TCF12: variants seen among roughly 807,000 people sequenced by gnomAD.
The protein encoded by TCF12 is transcription factor 12.
TCF12 carries 45 observed loss-of-function variants against 86.0 expected under a neutral mutation model. The observed-to-expected ratio is 0.52, with a 90% CI of 0.41 to 0.67. The LOEUF is 0.67. Ranked by LOEUF, TCF12 falls within the 30% of genes least tolerant of loss-of-function variation. The pLI, the probability that TCF12 is intolerant of heterozygous loss-of-function variation, is 0.00. For missense variants in TCF12, 881 were observed against 859.9 expected (o/e 1.02, Z -0.31); for synonymous variants, 330 against 299.6 (o/e 1.10, Z -1.05).
At chr15:57,198,320 A>C (rs2057372203) in intron 8 of TCF12, among the ~76,000 whole-genome samples, 1 of 152,288 alleles carries the variant, frequency 6.6e-6, no homozygotes, top group South Asian at 2.1e-4. Flanking sequence ...TCAGATGTTC[A>C]TTGTGAAGCC....
intron 6 of TCF12, among the ~76,000 whole-genome samples, chr15:57,189,368 A>G (rs1393675241): frequency 6.6e-5 from 10 of 152,002 alleles, no homozygotes; most frequent in Admixed American, 3.3e-4. Context: ...TCCAGAATAT[A>G]TAAACAACTC....
intron 3 of TCF12, among the ~76,000 whole-genome samples, chr15:56,974,877 A>G (rs1419416199): frequency 6.6e-6 from 1 of 152,086 alleles, no homozygotes; most frequent in Admixed American, 6.5e-5. Flanking sequence ...TTTGTGTGGT[A>G]AGGCATTACC....
chr15:56,966,414 C>G (rs527381216), intron 3 of TCF12, among the ~76,000 whole-genome samples: 1 of 152,130 alleles, frequency 6.6e-6, no homozygotes, highest in Non-Finnish European at 1.5e-5. Flanking sequence ...ATCTAACCTG[C>G]TAAAAATGGA....
chr15:57,236,367 A>G (rs1256422099), intron 12 of TCF12, among the ~76,000 whole-genome samples: 1 of 152,204 alleles, frequency 6.6e-6, no homozygotes, highest in African/African-American at 2.4e-5. Flanking sequence ...AGAGATGAGG[A>G]GAAGGAAATT....
chr15:56,998,780 G>A (rs1234875713), intron 3 of TCF12, among the ~76,000 whole-genome samples: 1 of 151,872 alleles, frequency 6.6e-6, no homozygotes, highest in African/African-American at 2.4e-5. Flanking sequence ...ACTGTATCTC[G>A]GTCTTAATAC....
chr15:57,133,743 G>C (rs1286487590), intron 5 of TCF12, among the ~76,000 whole-genome samples: 1 of 150,794 alleles, frequency 6.6e-6, no homozygotes, highest in Non-Finnish European at 1.5e-5. Flanking sequence ...GAAGGAGTTT[G>C]TTTTTGCTTA....
intron 5 of TCF12, among the ~76,000 whole-genome samples, chr15:57,160,623 G>A (rs2054435667): frequency 6.6e-6 from 1 of 152,186 alleles, no homozygotes; most frequent in Admixed American, 6.6e-5. Context: ...TGGTCATCCA[G>A]TAGGCTATAA....
chr15:57,116,552 G>A (rs1267922684), intron 5 of TCF12, among the ~76,000 whole-genome samples: 1 of 152,100 alleles, frequency 6.6e-6, no homozygotes, highest in East Asian at 1.9e-4. Flanking sequence ...TTGCAGTGTT[G>A]CCCAGGCTGG....
intron 5 of TCF12, among the ~76,000 whole-genome samples, chr15:57,111,493 A>G (rs2050484603): frequency 6.6e-6 from 1 of 151,722 alleles, no homozygotes; most frequent in Non-Finnish European, 1.5e-5. Context: ...AAATTCACCC[A>G]TGACAACCAT....
intron 15 of TCF12, among the ~76,000 whole-genome samples, chr15:57,252,993 A>C (rs2060189892): frequency 7.9e-6 from 1 of 126,400 alleles, no homozygotes. Context: ...CATTTTTTGT[A>C]GAAGCTAAAA....
chr15:57,104,836 A>T (rs189036888), intron 5 of TCF12, among the ~76,000 whole-genome samples: 5 of 123,352 alleles, frequency 4.1e-5, no homozygotes, highest in African/African-American at 1.2e-4. Flanking sequence ...TCCTTTTCTC[A>T]TCTATCTTGC....
At chr15:57,213,382 A>G (rs1455737287) in intron 8 of TCF12, among the ~76,000 whole-genome samples, 1 of 152,204 alleles carries the variant, frequency 6.6e-6, no homozygotes, top group Non-Finnish European at 1.5e-5. Context: ...ATTGTCACAA[A>G]TGTGAGGGAG....
chr15:57,208,796 C>T (rs550688012), intron 8 of TCF12, among the ~76,000 whole-genome samples: 27 of 151,984 alleles, frequency 1.8e-4, no homozygotes, highest in Non-Finnish European at 3.4e-4. Flanking sequence ...CGGCCTCAAA[C>T]TCCTGGGCTC....
chr15:57,144,954 C>A (rs1177176363), intron 5 of TCF12, among the ~76,000 whole-genome samples: 2 of 152,080 alleles, frequency 1.3e-5, no homozygotes, highest in Admixed American at 1.3e-4. Flanking sequence ...TGCATGAATT[C>A]TTTTAAAGAT....
chr15:56,987,919 A>G (rs1397238125), intron 3 of TCF12, among the ~76,000 whole-genome samples: 5 of 152,236 alleles, frequency 3.3e-5, no homozygotes, highest in Admixed American at 2.0e-4. Flanking sequence ...TAAAGATGAA[A>G]CTTTGAAAAT....
At chr15:57,088,780 A>G (rs1247867626) in intron 4 of TCF12, among the ~76,000 whole-genome samples, 1 of 152,132 alleles carries the variant, frequency 6.6e-6, no homozygotes, top group Admixed American at 6.6e-5. Context: ...GCATTTTAGC[A>G]AGATCTCTAC....
intron 3 of TCF12, among the ~76,000 whole-genome samples, chr15:56,990,302 T>C (rs2063388460): frequency 6.6e-6 from 1 of 151,704 alleles, no homozygotes; most frequent in South Asian, 2.1e-4. Context: ...GCAGCATCAG[T>C]AGAGCAAAAT....
intron 3 of TCF12, among the ~76,000 whole-genome samples, chr15:56,991,033 C>T (rs1469130831): frequency 1.3e-5 from 2 of 152,074 alleles, no homozygotes; most frequent in East Asian, 3.9e-4. Flanking sequence ...TGGGCTTAAT[C>T]AGTCCTCCCA....
intron 4 of TCF12, among the ~76,000 whole-genome samples, chr15:57,071,252 GA>G (rs200706690): frequency 0.015 from 1,985 of 133,512 alleles, 19 homozygotes; most frequent in Non-Finnish European, 0.018. Flanking sequence ...ACAAAAAATA[GA>G]AAAAAAAAAA....
Sources: gnomAD v4.1 joint callset for allele counts (sites outside exome capture counted in the v4.1 genomes callset) on GRCh38, gnomAD v4.1.1 for gene constraint, MANE v1.5 for transcripts, NCBI Gene and HGNC (gene_info 2026-07-23, HGNC 2026-07-21) for gene names.